The following CHAT variants were observed in gnomAD, a reference collection of about 807,000 sequenced individuals.
CHAT encodes choline O-acetyltransferase.
Under a neutral mutation model 76.9 loss-of-function variants are expected in CHAT, and 61 were observed. The ratio of observed to expected loss-of-function variants is 0.79; its 90% CI spans 0.65 to 0.98. The LOEUF is 0.98. Ranked by LOEUF, CHAT falls within the 50% of genes least tolerant of loss-of-function variation. CHAT has a pLI of 0.00. For synonymous variants in CHAT, 407 were observed against 397.4 expected (o/e 1.02, Z -0.29); for missense variants, 946 against 986.9 (o/e 0.96, Z 0.56).
At chr10:49,612,602 G>A, upstream of CHAT, 1 of 490,856 alleles carries the variant, frequency 2.0e-6, no homozygotes. Context: ...CCCCACCTGC[G>A]GCTCCCCTGT....
At chr10:49,621,396 A>G (rs1838702784) in intron 4 of CHAT, among the ~76,000 whole-genome samples, 1 of 152,166 alleles carries the variant, frequency 6.6e-6, no homozygotes, top group South Asian at 2.1e-4. Flanking sequence ...TGGACAGATG[A>G]ATGACTTCTG....
At chr10:49,635,683 G>A (rs2177369) in intron 7 of CHAT, among the ~76,000 whole-genome samples, 47,551 of 151,970 alleles carry the variant, frequency 0.31, 8,121 homozygotes, top group Middle Eastern at 0.46. Context: ...AAAATAACAT[G>A]ATTATATTAA....
At chr10:49,640,529 C>T (rs759357324) in intron 7 of CHAT, among the ~76,000 whole-genome samples, 23 of 151,604 alleles carry the variant, frequency 1.5e-4, no homozygotes, top group South Asian at 8.4e-4. Flanking sequence ...GCTCCCTACA[C>T]GGTCTCTATT....
chr10:49,641,288 A>G (rs1839472671), intron 7 of CHAT, among the ~76,000 whole-genome samples: 1 of 152,246 alleles, frequency 6.6e-6, no homozygotes, highest in Non-Finnish European at 1.5e-5. Flanking sequence ...CGTAATACCC[A>G]GAGAATCTGC....
In CHAT at chr10:49,666,898, C is replaced by G. The variant is rs1469349398; in HGVS notation, c.*1852C>G. Among the ~76,000 whole-genome samples the G allele has an allele frequency of 6.6e-6, 1 of 152,220 alleles. No homozygotes were observed. The highest frequency in any genetic ancestry group is 1.9e-4 in the East Asian group (1 of 5,202). ...GTTGGCCCAAAGCTACTTGTCTGTTCTCTCCAAGTGACCACAGTGCAGATC... is the reference window on the plus strand; with the variant it reads ...GTTGGCCCAAAGCTACTTGTCTGTTGTCTCCAAGTGACCACAGTGCAGATC... On this transcript the variant is annotated 3_prime_UTR_variant, in exon 15 of 15. Coordinates refer to ENST00000337653, the MANE Select transcript of CHAT (RefSeq NM_020549.5).
chr10:49,660,997 C>T (rs537846444), intron 13 of CHAT, among the ~76,000 whole-genome samples: 2 of 152,324 alleles, frequency 1.3e-5, no homozygotes, highest in East Asian at 3.9e-4. Flanking sequence ...CTTCCTCACA[C>T]TTGAGTTTAT....
Position 49,665,093 on chromosome 10 carries a change from C to T in CHAT, c.*47C>T, listed in dbSNP as rs1212849126. 2 of 1,604,470 alleles carry T rather than the reference C, an allele frequency of 1.2e-6. No individual in the cohort carries two copies. The highest frequency in any genetic ancestry group is 2.7e-5 in the African/African-American group (2 of 74,724). On this transcript the variant is annotated 3_prime_UTR_variant, in exon 15 of 15. Coordinates refer to ENST00000337653, the MANE Select transcript of CHAT (RefSeq NM_020549.5). ...TCCCAAACCCAGCCTCTAGAACAGC[C>T]AGACCCTGCAGATCCCCACTCCCGT...
intron 13 of CHAT, among the ~76,000 whole-genome samples, chr10:49,660,482 A>G (rs1435789636): frequency 6.6e-6 from 1 of 152,096 alleles, no homozygotes; most frequent in Admixed American, 6.6e-5. Flanking sequence ...TGTCTATAAC[A>G]AGAAGATTAT....
chr10:49,663,322 C>T (rs1423995175), intron 14 of CHAT, among the ~76,000 whole-genome samples: 1 of 152,202 alleles, frequency 6.6e-6, no homozygotes. Flanking sequence ...AGTACAGGAA[C>T]ATACCCATTC....
rs567938306 is a variant in CHAT, at chr10:49,640,530, G to A, written c.1112-5975G>A. 9.8e-4 allele frequency among the ~76,000 whole-genome samples: 149 copies of A among 151,768 alleles called. No homozygotes were observed. The South Asian group carries it at 0.026, about 26-fold the overall frequency. On this transcript the variant is annotated intron_variant, in intron 7 of 14. Coordinates refer to ENST00000337653, the MANE Select transcript of CHAT (RefSeq NM_020549.5). ...GGGTGGAAGTTCAAGCTCCCTACAC[G>A]GTCTCTATTAATGCTGTGTGGGGAA...
intron 11 of CHAT, among the ~76,000 whole-genome samples, chr10:49,652,827 C>T (rs1181145941): frequency 6.6e-6 from 1 of 151,934 alleles, no homozygotes; most frequent in African/African-American, 2.4e-5. Flanking sequence ...GTGCCTCTGC[C>T]ACCCACGGAA....
At chr10:49,611,193 C>G (rs1327949075), upstream of CHAT, 1 of 1,614,008 alleles carries the variant, frequency 6.2e-7, no homozygotes, top group Non-Finnish European at 8.5e-7. Context: ...GCATGAGCTA[C>G]GACGTGCCGC....
intron 14 of CHAT, among the ~76,000 whole-genome samples, chr10:49,663,856 A>C (rs985690007): frequency 1.1e-4 from 16 of 152,350 alleles, no homozygotes; most frequent in South Asian, 4.1e-4. Context: ...CCATGGGCAA[A>C]AAGTGCTTTG....
intron 7 of CHAT, 113 bp downstream of exon 7, chr10:49,627,898 C>A: frequency 2.4e-6 from 3 of 1,273,632 alleles, no homozygotes; most frequent in Non-Finnish European, 2.2e-6. Flanking sequence ...AGTGTGGGAG[C>A]TCAGGGCCCA....
At chr10:49,613,811 C>A (rs188413902), upstream of CHAT, among the ~76,000 whole-genome samples, 1 of 152,286 alleles carries the variant, frequency 6.6e-6, no homozygotes, top group Non-Finnish European at 1.5e-5. Flanking sequence ...ATAGTGCCAG[C>A]AGGAATGGGA....
chr10:49,612,056 C>T, upstream of CHAT: 1 of 1,613,598 alleles, frequency 6.2e-7, no homozygotes, highest in South Asian at 1.1e-5. Flanking sequence ...CCCATAGTGG[C>T]AGGCCACATT....
chr10:49,652,052 A>G, intron 11 of CHAT, 46 bp downstream of exon 11: 1 of 1,613,706 alleles, frequency 6.2e-7, no homozygotes, highest in Non-Finnish European at 8.5e-7. Context: ...GCTGACGGAC[A>G]CAGTGCTGTA....
At chr10:49,611,711 A>G, upstream of CHAT, 1 of 1,607,886 alleles carries the variant, frequency 6.2e-7, no homozygotes, top group Non-Finnish European at 8.5e-7. Flanking sequence ...GCGGCTTCCG[A>G]GTGGGAGATG....
At position 49,646,530 on chromosome 10, in the gene CHAT, C is replaced by A; in HGVS notation, c.1137C>A (p.Asp379Glu). 6.2e-7 allele frequency: 1 copy of A among 1,614,234 alleles called. No homozygotes were observed. The highest frequency in any genetic ancestry group is 8.5e-7 in the Non-Finnish European group (1 of 1,180,036). ...ACTCCACCAACCGGGACTCGCTGGACATGATTGAGCGCTGCATCTGCCTTG... is the reference window on the plus strand; with the variant it reads ...ACTCCACCAACCGGGACTCGCTGGAAATGATTGAGCGCTGCATCTGCCTTG... ...VKDSTNRDSL[D>E]MIERCICLVC... Residue 379 changes from aspartate (D) to glutamate (E), a missense_variant, in exon 8 of 15, where the codon GAC becomes GAA. Asp to Glu is a conservative substitution (Grantham distance 45). This residue lies in a region of CHAT where 548 missense variants were observed against 516.2 expected (regional missense o/e 1.06). Coordinates refer to ENST00000337653, the MANE Select transcript of CHAT (RefSeq NM_020549.5).
Sources: allele counts gnomAD v4.1 joint callset (sites outside exome capture counted in the v4.1 genomes callset), GRCh38; gene constraint gnomAD v4.1.1; regional missense constraint gnomAD v4.1.1; transcripts MANE v1.5; gene names NCBI Gene and HGNC (gene_info 2026-07-23, HGNC 2026-07-21).